CNTNAP5: variants seen among roughly 807,000 people sequenced by gnomAD.
CNTNAP5 encodes contactin associated protein family member 5.
A neutral mutation model predicts 150.2 loss-of-function variants in CNTNAP5; 72 were observed. The ratio of observed to expected loss-of-function variants is 0.48; its 90% CI spans 0.40 to 0.58. The LOEUF is 0.58. Among genes scored for constraint, CNTNAP5 ranks in the 20% least tolerant of loss-of-function variants. The pLI, the probability that CNTNAP5 is intolerant of heterozygous loss-of-function variation, is 0.00. For missense variants in CNTNAP5, 1,636 were observed against 1,626.2 expected (o/e 1.01, Z -0.10); for synonymous variants, 672 against 619.8 (o/e 1.08, Z -1.25).
chr2:124,029,512 A>G (rs1680986086), intron 1 of CNTNAP5, among the ~76,000 whole-genome samples: 1 of 152,060 alleles, frequency 6.6e-6, no homozygotes, highest in Admixed American at 6.6e-5. Flanking sequence ...TGCAATTGGG[A>G]AATGTATACC....
rs1046525670 is a variant in CNTNAP5, at chr2:124,810,876, G to A, written c.3217+12556G>A. On this transcript the variant is annotated intron_variant, in intron 19 of 23. Coordinates refer to ENST00000682447, the MANE Select transcript of CNTNAP5 (RefSeq NM_001367498.1). ...TGCTACAGGTATGCAGTGAGTGGGA[G>A]TGAGGGATGCGGCAAAACATCTGTA... Among the ~76,000 whole-genome samples the A allele has an allele frequency of 2.6e-5, 4 of 152,108 alleles. No homozygotes were observed. The East Asian group carries it at 5.8e-4, about 22-fold the overall frequency.
At chr2:124,066,430 A>G (rs774151319) in intron 1 of CNTNAP5, among the ~76,000 whole-genome samples, 12 of 152,132 alleles carry the variant, frequency 7.9e-5, no homozygotes, top group Non-Finnish European at 1.0e-4. Flanking sequence ...AACTGTTTTT[A>G]AATTAGTAAT....
At chr2:124,366,515 TC>T (rs1045655972) in intron 3 of CNTNAP5, among the ~76,000 whole-genome samples, 2 of 152,152 alleles carry the variant, frequency 1.3e-5, no homozygotes, top group Non-Finnish European at 2.9e-5. Context: ...AAGTGCAGTG[TC>T]CTTTAAACTA....
chr2:124,527,438 TG>T lies in CNTNAP5; in HGVS notation c.1632del (p.Cys545ValfsTer96). Reference protein sequence around the residue: ...LGNFSDLHIDLCSIKDRCLPN... With the variant: ...LGNFSDLHIDXCSIKDRCLPN... The stretch of plus-strand genomic sequence containing the variant: ...AATTTTAGTGATTTACACATTGATC[TG>T]TGTAGCATCAAAGACAGGTAATTAT... On this transcript the variant is annotated frameshift_variant, in exon 10 of 24. Transcript: ENST00000682447. LOFTEE classifies it high-confidence loss of function. 1 of 1,613,130 alleles carries T rather than the reference TG, an allele frequency of 6.2e-7. No homozygotes were observed. Among genetic ancestry groups the T allele is most frequent in the Non-Finnish European group, 8.5e-7 (1 of 1,179,402 alleles).
At chr2:124,560,841 C>T (rs1223156421) in intron 10 of CNTNAP5, among the ~76,000 whole-genome samples, 1 of 152,046 alleles carries the variant, frequency 6.6e-6, no homozygotes, top group Non-Finnish European at 1.5e-5. Context: ...TTTATTCTGT[C>T]TCTCTTTCAC....
intron 3 of CNTNAP5, among the ~76,000 whole-genome samples, chr2:124,318,470 G>A (rs932152558): frequency 4.4e-4 from 67 of 152,246 alleles, no homozygotes; most frequent in African/African-American, 1.3e-3. Flanking sequence ...GCAGAGACTT[G>A]TGATCAGGAA....
chr2:124,401,224 A>G (rs1007199110), intron 3 of CNTNAP5, among the ~76,000 whole-genome samples: 4 of 152,220 alleles, frequency 2.6e-5, no homozygotes, highest in African/African-American at 9.6e-5. Context: ...TTCAGAACAA[A>G]CACAGCAGTA....
chr2:124,653,911 A>ACCCCC (rs70996088), intron 13 of CNTNAP5, among the ~76,000 whole-genome samples: 7 of 57,488 alleles, frequency 1.2e-4, no homozygotes, highest in Admixed American at 2.1e-4. Context: ...ACTGCCCCCA[A>ACCCCC]CCCCCCCCCC....
At chr2:124,853,125 G>A (rs189482370) in intron 19 of CNTNAP5, among the ~76,000 whole-genome samples, 12 of 152,328 alleles carry the variant, frequency 7.9e-5, no homozygotes, top group Middle Eastern at 3.4e-3. Context: ...TAGCAATGCC[G>A]TAGTAAAGGG....
chr2:124,507,909 G>A (rs987983562), intron 8 of CNTNAP5, among the ~76,000 whole-genome samples: 12 of 152,238 alleles, frequency 7.9e-5, no homozygotes, highest in African/African-American at 2.4e-4. Context: ...AATAGAAGCC[G>A]CAGTCTTTTT....
chr2:124,209,234 A>G (rs1170632), intron 1 of CNTNAP5, among the ~76,000 whole-genome samples: 50,671 of 151,918 alleles, frequency 0.33, 9,465 homozygotes, highest in East Asian at 0.6. Context: ...TGACTTCTTT[A>G]CTTGCAAAAT....
intron 1 of CNTNAP5, among the ~76,000 whole-genome samples, chr2:124,027,286 G>C (rs945765664): frequency 2.0e-5 from 3 of 152,176 alleles, no homozygotes; most frequent in African/African-American, 7.2e-5. Flanking sequence ...GCACAGCGCT[G>C]GGCTATTTTT....
intron 3 of CNTNAP5, among the ~76,000 whole-genome samples, chr2:124,318,799 T>A (rs1444428542): frequency 6.6e-6 from 1 of 152,054 alleles, no homozygotes; most frequent in Non-Finnish European, 1.5e-5. Context: ...CCACTTCCAA[T>A]CAGTCTTCCA....
chr2:124,048,009 C>T lies in CNTNAP5; in HGVS notation c.82+22277C>T, dbSNP rs549694246. 4.6e-5 allele frequency among the ~76,000 whole-genome samples: 7 copies of T among 152,282 alleles called. No individual in the cohort carries two copies. In the East Asian group the frequency reaches 5.8e-4, roughly 13 times the overall value. On this transcript the variant is annotated intron_variant, in intron 1 of 23. Transcript: ENST00000682447. Reference sequence around the variant, plus strand: ...CACACAGGACTTCTTTGCTTAGCTCCGTCATAAACATTTCCAAGCTACACT... The same window carrying T: ...CACACAGGACTTCTTTGCTTAGCTCTGTCATAAACATTTCCAAGCTACACT...
chr2:124,427,190 T>C (rs1282365600), intron 4 of CNTNAP5, among the ~76,000 whole-genome samples: 1 of 152,060 alleles, frequency 6.6e-6, no homozygotes, highest in East Asian at 1.9e-4. Context: ...CAGGTATTAA[T>C]ATGAAGGAAA....
intron 22 of CNTNAP5, among the ~76,000 whole-genome samples, chr2:124,909,493 A>G (rs1237722076): frequency 6.6e-6 from 1 of 152,084 alleles, no homozygotes; most frequent in Non-Finnish European, 1.5e-5. Flanking sequence ...TAAGCTACAC[A>G]TGACTGTATT....
chr2:124,325,457 A>G (rs1470070180), intron 3 of CNTNAP5, among the ~76,000 whole-genome samples: 1 of 152,236 alleles, frequency 6.6e-6, no homozygotes, highest in East Asian at 1.9e-4. Flanking sequence ...TCACAATCAC[A>G]TCACGGAATT....
chr2:124,458,416 G>A (rs949291250), intron 6 of CNTNAP5, among the ~76,000 whole-genome samples: 1 of 151,298 alleles, frequency 6.6e-6, no homozygotes, highest in Admixed American at 6.6e-5. Flanking sequence ...AGTAACTCAG[G>A]AATGGAAAAC....
At chr2:124,779,061 T>C (rs1681391963) in intron 17 of CNTNAP5, among the ~76,000 whole-genome samples, 1 of 152,186 alleles carries the variant, frequency 6.6e-6, no homozygotes, top group Admixed American at 6.5e-5. Context: ...GGTAGGACCT[T>C]GTAATCTGCT....
Sources: gnomAD v4.1 joint callset for allele counts (sites outside exome capture counted in the v4.1 genomes callset) on GRCh38, gnomAD v4.1.1 for gene constraint, MANE v1.5 for transcripts, NCBI Gene and HGNC (gene_info 2026-07-23, HGNC 2026-07-21) for gene names.